The following PKHD1 variants were observed in gnomAD, a reference collection of about 807,000 sequenced individuals.
PKHD1 encodes the protein fibrocystin.
Under a neutral mutation model 412.0 loss-of-function variants are expected in PKHD1, and 291 were observed. That is an observed-to-expected ratio of 0.71 (90% CI 0.64 to 0.78). The LOEUF (loss-of-function observed/expected upper bound fraction) is 0.78. Ranked by LOEUF, PKHD1 falls within the 30% of genes least tolerant of loss-of-function variation. The probability of loss-of-function intolerance (pLI) is 0.00; values close to 1 mark genes in which losing one functional copy is unlikely to be tolerated. For missense variants in PKHD1, 4,825 were observed against 4,950.7 expected (o/e 0.97, Z 0.76); for synonymous variants, 1,777 against 1,821.5 (o/e 0.98, Z 0.62).
intron 37 of PKHD1, among the ~76,000 whole-genome samples, chr6:51,927,120 A>T (rs188084672): frequency 3.7e-4 from 57 of 152,250 alleles, no homozygotes; most frequent in African/African-American, 1.3e-3. Context: ...TCCTTTCTCC[A>T]TTCTTCCCCT....
intron 52 of PKHD1, among the ~76,000 whole-genome samples, chr6:51,801,421 T>C (rs1762889937): frequency 6.6e-6 from 1 of 152,184 alleles, no homozygotes; most frequent in Admixed American, 6.5e-5. Flanking sequence ...GCAGTCTTTC[T>C]ATAACTAAAC....
chr6:51,627,710 C>T (rs34693525), intron 65 of PKHD1, among the ~76,000 whole-genome samples: 6,502 of 152,120 alleles, frequency 0.043, 235 homozygotes, highest in African/African-American at 0.093. Context: ...TGTGTAACTA[C>T]AGTATGATAT....
At chr6:51,887,613 A>T (rs1013462937) in intron 43 of PKHD1, among the ~76,000 whole-genome samples, 11 of 152,150 alleles carry the variant, frequency 7.2e-5, no homozygotes. Context: ...TTAAAAGTGT[A>T]CAGCACCTTG....
intron 28 of PKHD1, 87 bp downstream of exon 28, chr6:52,035,504 T>C: frequency 8.2e-7 from 1 of 1,213,594 alleles, no homozygotes; most frequent in Non-Finnish European, 1.2e-6. Context: ...TCAGTTCATT[T>C]AGTTCTAAGA....
intron 34 of PKHD1, among the ~76,000 whole-genome samples, chr6:52,013,177 A>G (rs573643850): frequency 1.6e-4 from 24 of 152,264 alleles, no homozygotes; most frequent in Non-Finnish European, 2.9e-4. Context: ...TTGGGCTTCC[A>G]CTTGCCTCAT....
At chr6:51,798,956 G>A (rs139214496) in intron 52 of PKHD1, among the ~76,000 whole-genome samples, 1 of 152,256 alleles carries the variant, frequency 6.6e-6, no homozygotes, top group African/African-American at 2.4e-5. Context: ...ACAAGTACAT[G>A]AAGTTTTAAT....
chr6:51,831,139 A>G (rs1768179799), intron 51 of PKHD1, 150 bp from the exon 52 acceptor site: 1 of 652,274 alleles, frequency 1.5e-6, no homozygotes, highest in South Asian at 1.8e-5. Context: ...TTATCAGTTA[A>G]AAAGCAAGTA....
In PKHD1 at chr6:52,026,167, T is replaced by A. The variant is rs752105357; in HGVS notation, c.3643A>T (p.Ser1215Cys). ...CTGCTGAAGCCTATTCCTGAGATGC[T>A]GAGGATGGTCCCTCCTAAAGTATGA... ...CGSLLGGTILSISGIGFSRDP... is the reference protein window; with the variant it reads ...CGSLLGGTILCISGIGFSRDP... The change falls in exon 32 of 67, where the codon AGC (serine) becomes TGC (cysteine). Residue 1215 changes from serine to cysteine, a missense_variant. Transcript: ENST00000371117. The A allele has an allele frequency of 4.3e-5, 69 of 1,613,924 alleles. 1 individual carries two copies. The highest frequency in any genetic ancestry group is 1.6e-4 in the Middle Eastern group (1 of 6,084).
At chr6:51,715,327 A>G (rs534116660) in intron 60 of PKHD1, among the ~76,000 whole-genome samples, 1 of 152,148 alleles carries the variant, frequency 6.6e-6, no homozygotes, top group Non-Finnish European at 1.5e-5. Flanking sequence ...CCCCTCCTTC[A>G]TTATGCTTCT....
At chr6:51,710,342 G>A (rs181926871) in intron 60 of PKHD1, among the ~76,000 whole-genome samples, 4 of 152,136 alleles carry the variant, frequency 2.6e-5, no homozygotes, top group African/African-American at 4.8e-5. Context: ...AGTGGATAAG[G>A]CTCCTTTGAA....
At chr6:51,854,281 T>G (rs927728132) in intron 49 of PKHD1, among the ~76,000 whole-genome samples, 1 of 151,856 alleles carries the variant, frequency 6.6e-6, no homozygotes, top group Non-Finnish European at 1.5e-5. Context: ...GAGACAGGAG[T>G]GCAGCAAAGA....
chr6:51,967,640 G>A (rs894289769), intron 35 of PKHD1, among the ~76,000 whole-genome samples: 2 of 115,584 alleles, frequency 1.7e-5, no homozygotes, highest in African/African-American at 2.7e-5. Context: ...GTGGGAAGTT[G>A]TGTGTGTGTG....
At chr6:52,047,396 G>A (rs948921122) in intron 23 of PKHD1, among the ~76,000 whole-genome samples, 2 of 152,062 alleles carry the variant, frequency 1.3e-5, no homozygotes, top group African/African-American at 4.8e-5. Flanking sequence ...TTTCTGCTTG[G>A]GAGGGCAAAA....
intron 35 of PKHD1, among the ~76,000 whole-genome samples, chr6:52,006,874 A>G (rs1192836761): frequency 6.6e-6 from 1 of 152,070 alleles, no homozygotes; most frequent in African/African-American, 2.4e-5. Context: ...CCCAAAGTCC[A>G]TTGTATCATT....
chr6:51,753,440 G>T, intron 56 of PKHD1, 87 bp from the exon 57 acceptor site: 1 of 1,054,072 alleles, frequency 9.5e-7, no homozygotes, highest in Non-Finnish European at 1.5e-6. Flanking sequence ...CCTGAGAAAT[G>T]AAAACATCCT....
At chr6:51,702,994 G>T (rs1240936985) in intron 60 of PKHD1, among the ~76,000 whole-genome samples, 1 of 150,046 alleles carries the variant, frequency 6.7e-6, no homozygotes, top group Admixed American at 6.7e-5. Flanking sequence ...ATGGCCCCCT[G>T]CCCTCAAAGC....
chr6:51,981,782 G>C (rs1179908443), intron 35 of PKHD1, among the ~76,000 whole-genome samples: 5 of 138,770 alleles, frequency 3.6e-5, no homozygotes, highest in African/African-American at 1.2e-4. Flanking sequence ...GCCACCCATC[G>C]TCTGGGATAT....
intron 55 of PKHD1, among the ~76,000 whole-genome samples, chr6:51,759,655 CT>C (rs141940471): frequency 0.036 from 5,456 of 152,172 alleles, 299 homozygotes; most frequent in African/African-American, 0.12. Flanking sequence ...GTACTTTCGA[CT>C]TAAAGAGCCC....
At chr6:51,820,889 T>C (rs1460054706) in intron 52 of PKHD1, among the ~76,000 whole-genome samples, 1 of 152,164 alleles carries the variant, frequency 6.6e-6, no homozygotes, top group African/African-American at 2.4e-5. Context: ...AAACCAATGA[T>C]TGGGAAATCA....
Sources: gnomAD v4.1 joint callset for allele counts (sites outside exome capture counted in the v4.1 genomes callset) on GRCh38, gnomAD v4.1.1 for gene constraint, MANE v1.5 for transcripts, NCBI Gene and HGNC (gene_info 2026-07-23, HGNC 2026-07-21) for gene names.